Variants in DMRTC2 observed in about 807,000 individuals in gnomAD.
DMRTC2 encodes doublesex- and mab-3-related transcription factor C2.
Under a neutral mutation model 39.9 loss-of-function variants are expected in DMRTC2, and 13 were observed. That is an observed-to-expected ratio of 0.33 (90% CI 0.21 to 0.52). The LOEUF (loss-of-function observed/expected upper bound fraction) is 0.52, where lower values mean the gene tolerates loss of function less well. Among genes scored for constraint, DMRTC2 ranks in the 20% least tolerant of loss-of-function variants. The probability of loss-of-function intolerance (pLI) is 0.96; values close to 1 mark genes in which losing one functional copy is unlikely to be tolerated. For missense variants in DMRTC2, 431 were observed against 472.8 expected, an observed-to-expected ratio of 0.91 and a Z score of 0.82; for synonymous variants, 189 against 185.2, an observed-to-expected ratio of 1.02 and a Z score of -0.17.
rs964013106 is a variant in DMRTC2 at position 41,848,853 on chromosome 19, C to T, written c.506C>T (p.Thr169Ile). Residue 169 changes from threonine to isoleucine, a missense_variant, in exon 5 of 9, where the codon ACT becomes ATT. By Grantham distance (89) the Thr-to-Ile change is moderately conservative (BLOSUM62 -1). Transcript: ENST00000269945. ...HPPEASPLSW[T>I]PVPPGPWVPG... is the part of the protein sequence containing the mutation. ...CCGGAAGCCTCGCCCTTGTCCTGGACTCCGGTGCCTCCTGGCCCTTGGGTC... is the reference window on the plus strand; with the variant it reads ...CCGGAAGCCTCGCCCTTGTCCTGGATTCCGGTGCCTCCTGGCCCTTGGGTC... 4 of 1,612,110 alleles carry T rather than the reference C, an allele frequency of 2.5e-6. No homozygotes were observed. Among genetic ancestry groups the T allele is most frequent in the Non-Finnish European group, 3.4e-6 (4 of 1,180,028 alleles).
chr19:41,851,497 G>A (rs1275551049), intron 8 of DMRTC2, 87 bp from the exon 9 acceptor site: 1 of 1,079,274 alleles, frequency 9.3e-7, no homozygotes, highest in South Asian at 1.4e-5. Context: ...ACAATGATGA[G>A]GCCTGGATTG....
At position 41,847,603 on chromosome 19, in the gene DMRTC2, C is replaced by T. The variant is rs199625418; in HGVS notation, c.175C>T (p.Arg59Cys). 8 of 1,614,088 alleles carry T rather than the reference C, an allele frequency of 5.0e-6. No homozygotes were observed. Among genetic ancestry groups the T allele is most frequent in the Non-Finnish European group, 6.8e-6 (8 of 1,180,044 alleles). The change falls in exon 2 of 9, where the codon CGC (arginine) becomes TGC (cysteine). Residue 59 changes from arginine to cysteine, a missense_variant. By Grantham distance (180) the Arg-to-Cys change is radical. Transcript: ENST00000269945. ...GVTAHLKGHK[R>C]LCLFQACECH... ...CACCGCCCATCTCAAGGGCCACAAGCGCCTCTGCCTCTTCCAGGCTTGCGA... is the reference window on the plus strand; with the variant it reads ...CACCGCCCATCTCAAGGGCCACAAGTGCCTCTGCCTCTTCCAGGCTTGCGA...
intron 4 of DMRTC2, 73 bp downstream of exon 4, chr19:41,848,601 C>T (rs1555836562): frequency 2.2e-6 from 3 of 1,369,870 alleles, no homozygotes; most frequent in African/African-American, 1.4e-5. Context: ...TCTGTGCCCT[C>T]AACACCTGGG....
At chr19:41,849,311 C>T in intron 6 of DMRTC2, 55 bp downstream of exon 6, 2 of 1,593,784 alleles carry the variant, frequency 1.3e-6, no homozygotes, top group Non-Finnish European at 1.7e-6. Flanking sequence ...CTGTGTCCAA[C>T]CACAGTGCTG....
intron 8 of DMRTC2, chr19:41,851,355 GA>G (rs2073953786): frequency 1.9e-6 from 1 of 527,100 alleles, no homozygotes; most frequent in African/African-American, 1.9e-5. Flanking sequence ...GAACGTTTCT[GA>G]ACTAAGCAAG....
chr19:41,848,399 A>G, intron 3 of DMRTC2, 53 bp from the exon 4 acceptor site: 13 of 1,464,048 alleles, frequency 8.9e-6, no homozygotes, highest in Non-Finnish European at 1.2e-5. Context: ...GGGTTGGGGT[A>G]GGATAGGGGT....
At position 41,848,827 on chromosome 19, in the gene DMRTC2, C is replaced by T. The variant is rs782145630; in HGVS notation, c.480C>T (p.Pro160=). ...GTGGGCCTCTGCTGCTCAGCCATCC[C>T]CCGGAAGCCTCGCCCTTGTCCTGGA... ...NSCGPLLLSH[P]PEASPLSWTP... is the part of the protein sequence containing the mutation. Residue 160 remains proline (P), a synonymous_variant, in exon 5 of 9, where the codon CCC becomes CCT. Coordinates refer to ENST00000269945, the MANE Select transcript of DMRTC2 (RefSeq NM_001040283.3). 6.2e-7 allele frequency: 1 copy of T among 1,610,220 alleles called. No individual in the cohort carries two copies. Among genetic ancestry groups the T allele is most frequent in the South Asian group, 1.1e-5 (1 of 91,088 alleles).
At chr19:41,851,279 T>G in intron 8 of DMRTC2, 1 of 319,330 alleles carries the variant, frequency 3.1e-6, no homozygotes, top group Non-Finnish European at 5.8e-6. Flanking sequence ...AGGCTTCTGA[T>G]GGTGGAGATC....
At chr19:41,851,167 T>G (rs1238780534) in intron 8 of DMRTC2, 10 of 204,404 alleles carry the variant, frequency 4.9e-5, no homozygotes, top group Admixed American at 3.8e-4. Context: ...GAGAAACACC[T>G]AGGGGGACAG....
At chr19:41,846,372 T>G (rs555594560) in intron 1 of DMRTC2, among the ~76,000 whole-genome samples, 1 of 151,698 alleles carries the variant, frequency 6.6e-6, no homozygotes, top group African/African-American at 2.4e-5. Flanking sequence ...TGTGTGTGGG[T>G]GGGAAAGTGT....
In DMRTC2 at chr19:41,847,464, C is replaced by A; in HGVS notation, c.36C>A (p.Cys12Ter). 1 of 1,594,976 alleles carries A rather than the reference C, an allele frequency of 6.3e-7. No homozygotes were observed. Among genetic ancestry groups the A allele is most frequent in the Non-Finnish European group, 8.6e-7 (1 of 1,169,526 alleles). The change falls in exon 2 of 9, where the codon TGC becomes TGA. Residue 12 changes from cysteine to a stop codon, truncating the protein, a stop_gained. Transcript: ENST00000269945. LOFTEE classifies it high-confidence loss of function. ...GTGACATGCCTGCTGGCTACCACTGCCCCTTAGACTCTGCCCCCTGGGATG... is the reference window on the plus strand; with the variant it reads ...GTGACATGCCTGCTGGCTACCACTGACCCTTAGACTCTGCCCCCTGGGATG... Reference protein sequence around the residue: ...EPSDMPAGYHCPLDSAPWDET... With the variant: ...EPSDMPAGYH
chr19:41,849,477 T>C (rs1252066058), intron 6 of DMRTC2, among the ~76,000 whole-genome samples: 1 of 152,244 alleles, frequency 6.6e-6, no homozygotes, highest in African/African-American at 2.4e-5. Flanking sequence ...GAGACACTAT[T>C]ACTTACCTCT....
chr19:41,848,880 C>T lies in DMRTC2; in HGVS notation c.533C>T (p.Pro178Leu), dbSNP rs2073910866. 6.2e-7 allele frequency: 1 copy of T among 1,613,112 alleles called. No individual in the cohort carries two copies. Among genetic ancestry groups the T allele is most frequent in the Non-Finnish European group, 8.5e-7 (1 of 1,180,036 alleles). ...CCGGTGCCTCCTGGCCCTTGGGTCC[C>T]TGGACACTGGCTGCCTCCAGGCTTC... Reference protein sequence around the residue: ...WTPVPPGPWVPGHWLPPGFSM... With the variant: ...WTPVPPGPWVLGHWLPPGFSM... Residue 178 changes from proline (P) to leucine (L), a missense_variant, in exon 5 of 9, where the codon CCT becomes CTT. Pro to Leu is a moderately conservative substitution (Grantham distance 98). Transcript: ENST00000269945.
chr19:41,849,349 T>A, intron 6 of DMRTC2, 93 bp downstream of exon 6: 1 of 1,528,150 alleles, frequency 6.5e-7, no homozygotes, highest in Non-Finnish European at 8.8e-7. Context: ...ATAATGAAGA[T>A]GAAAAGGTCT....
rs1555836723 is a variant in DMRTC2, at chr19:41,848,982, T to C, written c.628+7T>C. ...TCTCTGCCTCCCTTCCCTGGTAAGA[T>C]GATAATTCAACATTCATTCAACATA... On this transcript the variant is annotated splice_region_variant and intron_variant, in intron 5 of 8. Transcript: ENST00000269945. The C allele has an allele frequency of 6.2e-7, 1 of 1,613,874 alleles. No individual in the cohort carries two copies. Among genetic ancestry groups the C allele is most frequent in the East Asian group, 2.2e-5 (1 of 44,886 alleles).
intron 6 of DMRTC2, among the ~76,000 whole-genome samples, chr19:41,849,475 A>G (rs782745150): frequency 6.6e-6 from 1 of 152,234 alleles, no homozygotes; most frequent in Non-Finnish European, 1.5e-5. Flanking sequence ...TGGAGACACT[A>G]TTACTTACCT....
Position 41,850,609 on chromosome 19 carries a change from G to A in DMRTC2, c.900G>A (p.Gly300=), listed in dbSNP as rs1309701521. The change falls in exon 8 of 9, where the codon GGG becomes GGA. Residue 300 remains glycine, a synonymous_variant. Transcript: ENST00000269945. ...AAGAGGCAGCTGAAGCCCTCGTGGG[G>A]CTGAAAGATTCATCCCAGGCTCCTC... ...LQQEAAEALV[G]LKDSSQAPRV... 1 of 1,613,712 alleles carries A rather than the reference G, an allele frequency of 6.2e-7. No individual in the cohort carries two copies.
chr19:41,851,488 C>A (rs2073956065), intron 8 of DMRTC2, 96 bp from the exon 9 acceptor site: 2 of 990,124 alleles, frequency 2.0e-6, no homozygotes, highest in African/African-American at 1.6e-5. Context: ...TCCAGGAGAA[C>A]AATGATGAGG....
rs1241879931 is a variant in DMRTC2, at chr19:41,848,993, C to T, written c.628+18C>T. ...CTTCCCTGGTAAGATGATAATTCAA[C>T]ATTCATTCAACATATATTTGAGTGC... On this transcript the variant is annotated intron_variant, in intron 5 of 8. Transcript: ENST00000269945. The T allele has an allele frequency of 1.2e-6, 2 of 1,613,764 alleles. No individual in the cohort carries two copies. Among genetic ancestry groups the T allele is most frequent in the African/African-American group, 2.7e-5 (2 of 74,928 alleles).
Sources: gnomAD v4.1 joint callset for allele counts (sites outside exome capture counted in the v4.1 genomes callset) on GRCh38, gnomAD v4.1.1 for gene constraint, MANE v1.5 for transcripts, NCBI Gene and HGNC (gene_info 2026-07-23, HGNC 2026-07-21) for gene names.